Variants in ZNF383 observed in about 807,000 individuals in gnomAD.
The protein encoded by ZNF383 is zinc finger protein 383.
Under a neutral mutation model 44.2 loss-of-function variants are expected in ZNF383, and 32 were observed. The ratio of observed to expected loss-of-function variants is 0.72; its 90% confidence interval spans 0.55 to 0.97. The LOEUF (loss-of-function observed/expected upper bound fraction) is 0.97, where lower values mean the gene tolerates loss of function less well. Ranked by LOEUF, ZNF383 falls within the 50% of genes least tolerant of loss-of-function variation. ZNF383 has a pLI of 0.00. For synonymous variants in ZNF383, 155 were observed against 186.2 expected, an observed-to-expected ratio of 0.83 and a Z score of 1.36; for missense variants, 487 against 562.5, an observed-to-expected ratio of 0.87 and a Z score of 1.36.
Position 37,243,842 on chromosome 19 carries a change from T to C in ZNF383, c.*178T>C, listed in dbSNP as rs938222031. On this transcript the variant is annotated 3_prime_UTR_variant, in exon 6 of 6. Coordinates refer to ENST00000684119, the MANE Select transcript of ZNF383 (RefSeq NM_001387601.1). ...ACATTCCCTCTCTCCCCCAGTCATA[T>C]ACCGATGCCAGCTGTTCTATAATTC... 2.1e-6 allele frequency: 1 copy of C among 485,754 alleles called. No individual in the cohort carries two copies. The allele number at this position is 485,754 out of a possible 1,614,324, so 30.1% of individuals were successfully genotyped here. A position where few individuals can be genotyped will look rare whatever the true frequency, so the allele number is the denominator to read the frequency against.
intron 3 of ZNF383, among the ~76,000 whole-genome samples, chr19:37,233,874 A>AT (rs1973632140): frequency 1.3e-5 from 2 of 150,414 alleles, no homozygotes; most frequent in Non-Finnish European, 3.0e-5. Context: ...TTATTTATTT[A>AT]TTTTTTCGAG....
chr19:37,241,317 A>C (rs1189324771), intron 5 of ZNF383, among the ~76,000 whole-genome samples: 1 of 152,148 alleles, frequency 6.6e-6, no homozygotes, highest in Non-Finnish European at 1.5e-5. Flanking sequence ...CAATAAATTA[A>C]GGGGTTTCCA....
intron 3 of ZNF383, 127 bp downstream of exon 3, chr19:37,230,589 T>C: frequency 9.9e-7 from 1 of 1,007,232 alleles, no homozygotes; most frequent in Non-Finnish European, 1.5e-6. Context: ...CTTGTCCCCA[T>C]TTTTTCTTAG....
chr19:37,233,920 A>G (rs186878260), intron 3 of ZNF383, among the ~76,000 whole-genome samples: 3 of 151,810 alleles, frequency 2.0e-5, no homozygotes, highest in Admixed American at 6.6e-5. Context: ...GCTGGAGTGC[A>G]ATGGCGCAAT....
At chr19:37,236,748 T>G (rs1973819065) in intron 5 of ZNF383, among the ~76,000 whole-genome samples, 1 of 151,982 alleles carries the variant, frequency 6.6e-6, no homozygotes, top group Non-Finnish European at 1.5e-5. Context: ...TTTTGTATTT[T>G]TAGTAGAGGT....
At position 37,244,867 on chromosome 19, in the gene ZNF383, C is replaced by T; in HGVS notation, c.*1203C>T. On this transcript the variant is annotated 3_prime_UTR_variant, in exon 6 of 6. Coordinates refer to ENST00000684119, the MANE Select transcript of ZNF383 (RefSeq NM_001387601.1). ...TATGATATGCATGCTGTACCCTTAACTGCTTTTATCATGCCAAAGATTTCA... is the reference window on the plus strand; with the variant it reads ...TATGATATGCATGCTGTACCCTTAATTGCTTTTATCATGCCAAAGATTTCA... The T allele has an allele frequency of 6.6e-6, 1 of 152,202 alleles. No homozygotes were observed. The highest frequency in any genetic ancestry group is 2.4e-5 in the African/African-American group (1 of 41,448). 9.4% of individuals were successfully genotyped at this position (152,202 alleles called of 1,614,324 possible).
rs181232248 is a variant in ZNF383, at chr19:37,233,858, A to T, written c.10-1691A>T. ...AAAATACACATCTTTTTATTTTTTT[A>T]AAATTTTATTTATTTATTTTTTCGA... On this transcript the variant is annotated intron_variant, in intron 3 of 5. Coordinates refer to ENST00000684119, the MANE Select transcript of ZNF383 (RefSeq NM_001387601.1). 6.8e-3 allele frequency among the ~76,000 whole-genome samples: 1,030 copies of T among 151,940 alleles called. 28 individuals are homozygous for T. Among genetic ancestry groups the T allele is most frequent in the East Asian group, 0.053 (272 of 5,154 alleles).
chr19:37,230,372 C>T, intron 2 of ZNF383, 37 bp from the exon 3 acceptor site: 2 of 1,476,518 alleles, frequency 1.4e-6, no homozygotes, highest in South Asian at 2.3e-5. Context: ...GTTTTACTTC[C>T]CCAGTCATGC....
rs1404932898 is a variant in ZNF383 at position 37,244,798 on chromosome 19, T to C, written c.*1134T>C. 6.6e-6 allele frequency: 1 copy of C among 152,226 alleles called. No homozygotes were observed. Among genetic ancestry groups the C allele is most frequent in the East Asian group, 1.9e-4 (1 of 5,200 alleles). 9.4% of individuals were successfully genotyped at this position (152,226 alleles called of 1,614,324 possible). On this transcript the variant is annotated 3_prime_UTR_variant, in exon 6 of 6. Coordinates refer to ENST00000684119, the MANE Select transcript of ZNF383 (RefSeq NM_001387601.1). ...TTATAGATGGCTGCTCTCAATTTGG[T>C]AGAGAAAATCGTGCTATACTTTGCT...
At chr19:37,237,476 A>G (rs181966538) in intron 5 of ZNF383, among the ~76,000 whole-genome samples, 3 of 152,292 alleles carry the variant, frequency 2.0e-5, no homozygotes, top group South Asian at 4.1e-4. Context: ...ATTGAGCACT[A>G]CTATGTACCA....
chr19:37,236,163 C>T (rs1456467444), intron 5 of ZNF383, 89 bp downstream of exon 5: 1 of 901,942 alleles, frequency 1.1e-6, no homozygotes, highest in Admixed American at 2.4e-5. Context: ...AGATGTTATC[C>T]CTGAAGCTCC....
intron 2 of ZNF383, among the ~76,000 whole-genome samples, chr19:37,230,156 C>T (rs1263650275): frequency 6.6e-6 from 1 of 151,956 alleles, no homozygotes; most frequent in East Asian, 1.9e-4. Context: ...AGGTCTGGCC[C>T]GAATCCGTTG....
chr19:37,230,467 G>A lies in ZNF383; in HGVS notation c.9+5G>A, dbSNP rs749804481. ...ATACTAGAAGCCATGGCTGAGGTGA[G>A]TTGATGCTTTTTCTTGCCTTCCTGA... On this transcript the variant is annotated splice_donor_5th_base_variant and intron_variant, in intron 3 of 5. Coordinates refer to ENST00000684119, the MANE Select transcript of ZNF383 (RefSeq NM_001387601.1). 2 of 1,611,832 alleles carry A rather than the reference G, an allele frequency of 1.2e-6. No individual in the cohort carries two copies. The highest frequency in any genetic ancestry group is 1.1e-5 in the South Asian group (1 of 90,910).
At chr19:37,235,951 C>T (rs1192414032) in intron 4 of ZNF383, 28 bp from the exon 5 acceptor site, 2 of 1,586,870 alleles carry the variant, frequency 1.3e-6, no homozygotes, top group South Asian at 1.1e-5. Flanking sequence ...CCAGCATAAC[C>T]ATGTTCCATA....
At chr19:37,225,957 CTT>C (rs35639012) in intron 2 of ZNF383, among the ~76,000 whole-genome samples, 8 of 138,002 alleles carry the variant, frequency 5.8e-5, no homozygotes, top group Admixed American at 1.5e-4. Context: ...GTCTAACTAA[CTT>C]TTTTTTTTTT....
In ZNF383 at chr19:37,242,860, T is replaced by C; in HGVS notation, c.624T>C (p.Ser208=). 6.2e-7 allele frequency: 1 copy of C among 1,613,966 alleles called. No homozygotes were observed. Among genetic ancestry groups the C allele is most frequent in the Non-Finnish European group, 8.5e-7 (1 of 1,179,908 alleles). ...YECKECGKFF[S]CGSHVTRHLK... The stretch of plus-strand genomic sequence containing the variant: ...GTAAAGAGTGTGGGAAATTCTTTAG[T>C]TGTGGTTCACATGTTACTCGGCATC... Residue 208 remains serine (S), a synonymous_variant, in exon 6 of 6, where the codon AGT becomes AGC. Coordinates refer to ENST00000684119, the MANE Select transcript of ZNF383 (RefSeq NM_001387601.1).
At chr19:37,241,988 T>C (rs995737523) in intron 5 of ZNF383, among the ~76,000 whole-genome samples, 4 of 98,854 alleles carry the variant, frequency 4.0e-5, no homozygotes, top group East Asian at 2.9e-4. Context: ...TGTCTATATA[T>C]ACTATATAAA....
chr19:37,244,411 CTT>C lies in ZNF383; in HGVS notation c.*748_*749del, dbSNP rs776002205. On this transcript the variant is annotated 3_prime_UTR_variant, in exon 6 of 6. Transcript: ENST00000684119. ...TTTTTTGTTGAGACGGAGTTTCGCTCTTGTTGCCTAGGCTGGAGTGCAATGGT... is the reference window on the plus strand; with the variant it reads ...TTTTTTGTTGAGACGGAGTTTCGCTCGTTGCCTAGGCTGGAGTGCAATGGT... 3.2e-4 allele frequency: 47 copies of C among 147,094 alleles called. No individual in the cohort carries two copies. The highest frequency in any genetic ancestry group is 6.1e-4 in the Non-Finnish European group (41 of 67,172). The allele number at this position is 147,094 out of a possible 1,614,324, so 9.1% of individuals were successfully genotyped here.
intron 5 of ZNF383, among the ~76,000 whole-genome samples, chr19:37,239,619 A>G (rs1599802668): frequency 6.6e-6 from 1 of 152,164 alleles, no homozygotes; most frequent in South Asian, 2.1e-4. Flanking sequence ...GACAGGCAGG[A>G]GCCACAGCAT....
Sources: gnomAD v4.1 joint callset for allele counts (sites outside exome capture counted in the v4.1 genomes callset) on GRCh38, gnomAD v4.1.1 for gene constraint, MANE v1.5 for transcripts, NCBI Gene and HGNC (gene_info 2026-07-23, HGNC 2026-07-21) for gene names.